The following UHRF2 variants were observed in gnomAD, a reference collection of about 807,000 sequenced individuals.
The protein encoded by UHRF2 is E3 ubiquitin-protein ligase UHRF2.
A neutral mutation model predicts 96.8 loss-of-function variants in UHRF2; 23 were observed. That is an observed-to-expected ratio of 0.24 (90% confidence interval 0.17 to 0.34). UHRF2 has a LOEUF of 0.34. Ranked by LOEUF, UHRF2 falls within the 10% of genes least tolerant of loss-of-function variation. UHRF2 has a pLI of 1.00. For missense variants in UHRF2, 685 were observed against 981.5 expected, an observed-to-expected ratio of 0.70 and a Z score of 4.04; for synonymous variants, 385 against 332.6, an observed-to-expected ratio of 1.16 and a Z score of -1.72.
chr9:6,438,752 T>A (rs532345282), intron 3 of UHRF2, among the ~76,000 whole-genome samples: 10 of 152,326 alleles, frequency 6.6e-5, no homozygotes, highest in African/African-American at 2.4e-4. Flanking sequence ...TCTAATAGAT[T>A]ACTAGACCAG....
In UHRF2 at chr9:6,475,017, A is replaced by G. The variant is rs571812435; in HGVS notation, c.864-374A>G. The stretch of plus-strand genomic sequence containing the variant: ...TTAAAATTCTACCAAAGGACAAAAC[A>G]AACAGAAAACATACCTTATTTCTTG... On this transcript the variant is annotated intron_variant, in intron 4 of 15. Transcript: ENST00000276893. Among the ~76,000 whole-genome samples the G allele has an allele frequency of 2.6e-5, 4 of 152,340 alleles. No individual in the cohort carries two copies. The East Asian group carries it at 5.8e-4, about 22-fold the overall frequency.
intron 1 of UHRF2, among the ~76,000 whole-genome samples, chr9:6,418,548 A>G (rs1040402013): frequency 6.6e-6 from 1 of 152,194 alleles, no homozygotes; most frequent in South Asian, 2.1e-4. Flanking sequence ...TTTTAAATTC[A>G]GGACATACTT....
At chr9:6,433,788 A>T in intron 2 of UHRF2, 126 bp from the exon 3 acceptor site, 1 of 917,294 alleles carries the variant, frequency 1.1e-6, no homozygotes, top group Non-Finnish European at 1.6e-6. Flanking sequence ...CTTATTAACC[A>T]CTTTAAACAT....
chr9:6,504,255 GACCTT>G, intron 14 of UHRF2: 4 of 164,224 alleles, frequency 2.4e-5, no homozygotes, highest in Admixed American at 6.2e-5. Context: ...TCGATCTCCT[GACCTT>G]GTGATCCGCC....
At position 6,413,634 on chromosome 9, in the gene UHRF2, G is replaced by C; in HGVS notation, c.144G>C (p.Arg48=). 1.3e-6 allele frequency: 2 copies of C among 1,588,852 alleles called. No homozygotes were observed. Among genetic ancestry groups the C allele is most frequent in the Non-Finnish European group, 1.7e-6 (2 of 1,169,914 alleles). The part of the protein sequence containing the change: ...VRPECQRLFY[R]GKQLENGYTL... ...CCGAATGCCAGCGCCTCTTCTACCG[G>C]GGCAAGCAGGTGAGGCGCGCCCGCC... The change falls in exon 1 of 16, where the codon CGG becomes CGC. Residue 48 remains arginine (R), a synonymous_variant. Coordinates refer to ENST00000276893, the MANE Select transcript of UHRF2 (RefSeq NM_152896.3).
chr9:6,433,690 A>T (rs1487744438), intron 2 of UHRF2, among the ~76,000 whole-genome samples: 1 of 152,242 alleles, frequency 6.6e-6, no homozygotes, highest in Non-Finnish European at 1.5e-5. Context: ...CACCTATTTC[A>T]TTGAAGGAAA....
At chr9:6,428,163 G>T (rs1463053832) in intron 2 of UHRF2, among the ~76,000 whole-genome samples, 1 of 152,156 alleles carries the variant, frequency 6.6e-6, no homozygotes, top group Non-Finnish European at 1.5e-5. Flanking sequence ...GGAAAGAGGA[G>T]AATTATCATT....
At chr9:6,443,100 G>A (rs1358457524) in intron 3 of UHRF2, among the ~76,000 whole-genome samples, 1 of 152,172 alleles carries the variant, frequency 6.6e-6, no homozygotes, top group Non-Finnish European at 1.5e-5. Context: ...TCTATGTAAA[G>A]AAGGAAAATT....
intron 3 of UHRF2, among the ~76,000 whole-genome samples, chr9:6,444,497 A>G (rs998906516): frequency 1.3e-5 from 2 of 152,228 alleles, no homozygotes; most frequent in Admixed American, 1.3e-4. Context: ...ATGGTCAGAA[A>G]CACTGCATTT....
intron 3 of UHRF2, among the ~76,000 whole-genome samples, chr9:6,443,093 A>T (rs1421802543): frequency 6.6e-6 from 1 of 152,220 alleles, no homozygotes; most frequent in Admixed American, 6.5e-5. Flanking sequence ...GGAAGTGTCT[A>T]TGTAAAGAAG....
chr9:6,461,544 T>G (rs978249549), intron 4 of UHRF2, among the ~76,000 whole-genome samples: 1 of 151,632 alleles, frequency 6.6e-6, no homozygotes, highest in Non-Finnish European at 1.5e-5. Flanking sequence ...ACCTAACTTT[T>G]ATATTTTTAG....
At chr9:6,500,787 C>A in intron 14 of UHRF2, 78 bp downstream of exon 14, 9 of 1,365,564 alleles carry the variant, frequency 6.6e-6, no homozygotes, top group Non-Finnish European at 8.9e-6. Context: ...GTCTGTTTTT[C>A]ACACATCAGT....
chr9:6,468,963 T>G (rs1211632045), intron 4 of UHRF2, among the ~76,000 whole-genome samples: 1 of 152,194 alleles, frequency 6.6e-6, no homozygotes, highest in Non-Finnish European at 1.5e-5. Context: ...TATCTGAAGC[T>G]TTTGGCTCCA....
chr9:6,419,693 GT>G (rs1411102468), intron 1 of UHRF2, among the ~76,000 whole-genome samples: 3 of 152,106 alleles, frequency 2.0e-5, no homozygotes, highest in Admixed American at 6.5e-5. Context: ...GAGTTTTTCT[GT>G]GTAGGTCATA....
intron 3 of UHRF2, among the ~76,000 whole-genome samples, chr9:6,456,846 T>C (rs963272280): frequency 1.3e-5 from 2 of 152,188 alleles, no homozygotes; most frequent in African/African-American, 4.8e-5. Context: ...TAGTTGAAGA[T>C]GTGTGGCGTT....
intron 2 of UHRF2, among the ~76,000 whole-genome samples, chr9:6,432,138 C>T (rs968166754): frequency 6.6e-6 from 1 of 152,076 alleles, no homozygotes; most frequent in Non-Finnish European, 1.5e-5. Flanking sequence ...TAACATGCTC[C>T]ATCTCTGATT....
At chr9:6,425,823 G>A (rs1015943767) in intron 2 of UHRF2, among the ~76,000 whole-genome samples, 2 of 151,942 alleles carry the variant, frequency 1.3e-5, no homozygotes, top group Admixed American at 6.6e-5. Context: ...CTTACTGTTG[G>A]TGTGTCATTG....
chr9:6,458,677 C>A (rs557110734), intron 3 of UHRF2, among the ~76,000 whole-genome samples: 1 of 152,114 alleles, frequency 6.6e-6, no homozygotes, highest in East Asian at 1.9e-4. Context: ...GGACCTAGAA[C>A]CAGAAATACC....
At chr9:6,432,087 G>T (rs1312054240) in intron 2 of UHRF2, among the ~76,000 whole-genome samples, 1 of 152,144 alleles carries the variant, frequency 6.6e-6, no homozygotes, top group Admixed American at 6.5e-5. Flanking sequence ...GGAGAAATGA[G>T]CCTATGTTTA....
Sources: gnomAD v4.1 joint callset for allele counts (sites outside exome capture counted in the v4.1 genomes callset) on GRCh38, gnomAD v4.1.1 for gene constraint, MANE v1.5 for transcripts, NCBI Gene and HGNC (gene_info 2026-07-23, HGNC 2026-07-21) for gene names.